Variants in INPP5A observed in about 807,000 individuals in gnomAD.
INPP5A encodes the protein inositol polyphosphate-5-phosphatase A.
In INPP5A, 14 loss-of-function variants were observed where a neutral mutation model predicts 65.2. That is an observed-to-expected ratio of 0.21 (90% CI 0.14 to 0.34). The LOEUF (loss-of-function observed/expected upper bound fraction) is 0.34. Ranked by LOEUF, INPP5A falls within the 10% of genes least tolerant of loss-of-function variation. INPP5A has a pLI of 1.00. For missense variants in INPP5A, 431 were observed against 545.6 expected (o/e 0.79, Z 2.09); for synonymous variants, 207 against 208.3 (o/e 0.99, Z 0.05).
At chr10:132,612,942 G>A (rs1270935558) in intron 2 of INPP5A, among the ~76,000 whole-genome samples, 4 of 152,118 alleles carry the variant, frequency 2.6e-5, no homozygotes, top group South Asian at 4.1e-4. Context: ...CAGTTCCCGC[G>A]CATTCGGGTC....
intron 4 of INPP5A, among the ~76,000 whole-genome samples, chr10:132,680,871 G>A (rs1319159063): frequency 2.6e-5 from 4 of 152,250 alleles, no homozygotes; most frequent in Non-Finnish European, 5.9e-5. Context: ...TTCTCGCTGG[G>A]CCTTAGCTGC....
At chr10:132,542,431 C>T (rs1259786198) in intron 1 of INPP5A, among the ~76,000 whole-genome samples, 1 of 151,402 alleles carries the variant, frequency 6.6e-6, no homozygotes, top group East Asian at 1.9e-4. Context: ...GCTGGCGTCT[C>T]TCTCTGGTAG....
intron 1 of INPP5A, among the ~76,000 whole-genome samples, chr10:132,607,288 G>T (rs913415947): frequency 2.8e-4 from 43 of 152,228 alleles, no homozygotes; most frequent in African/African-American, 9.9e-4. Flanking sequence ...TCTCTGGCGG[G>T]GCTGGAGTTT....
At position 132,730,341 on chromosome 10, in the gene INPP5A, G is replaced by A. The variant is rs188631707; in HGVS notation, c.732+3436G>A. Among the ~76,000 whole-genome samples, 18 of 152,304 alleles carry A rather than the reference G, an allele frequency of 1.2e-4. 1 individual carries two copies. In the South Asian group the frequency reaches 1.5e-3, roughly 12 times the overall value. ...TCCTGCTTGCCGGGGCCACGTGGGCGAGTCGGGTGACAGACCCAGTGCAGC... is the reference window on the plus strand; with the variant it reads ...TCCTGCTTGCCGGGGCCACGTGGGCAAGTCGGGTGACAGACCCAGTGCAGC... On this transcript the variant is annotated intron_variant, in intron 9 of 15. Coordinates refer to ENST00000368594, the MANE Select transcript of INPP5A (RefSeq NM_005539.5).
chr10:132,701,142 G>A (rs77065704), intron 6 of INPP5A, among the ~76,000 whole-genome samples: 2,305 of 152,290 alleles, frequency 0.015, 37 homozygotes, highest in South Asian at 0.042. Context: ...GATTTATGCC[G>A]TCTTTTAGTA....
chr10:132,667,777 G>A (rs1473812400), intron 4 of INPP5A, among the ~76,000 whole-genome samples: 1 of 152,180 alleles, frequency 6.6e-6, no homozygotes, highest in Admixed American at 6.5e-5. Flanking sequence ...AGGGGGCCGT[G>A]TGCGCTGCCC....
In INPP5A at chr10:132,550,298, G is replaced by A. The variant is rs554558683; in HGVS notation, c.75+12127G>A. Among the ~76,000 whole-genome samples the A allele has an allele frequency of 2.6e-5, 4 of 152,178 alleles. No individual in the cohort carries two copies. Among genetic ancestry groups the A allele is most frequent in the African/African-American group, 9.7e-5 (4 of 41,442 alleles). On this transcript the variant is annotated intron_variant, in intron 1 of 15. Transcript: ENST00000368594. The surrounding 1 kb of genome is among the most constrained non-coding windows in gnomAD (Gnocchi z 4.2). ...TCTCAGGGATGTAATGAGGCTGCTC[G>A]GGGGGCTGTCTCAGGCCTCTGGCCA...
chr10:132,712,611 G>T (rs573699415), intron 8 of INPP5A, among the ~76,000 whole-genome samples: 116 of 147,532 alleles, frequency 7.9e-4, no homozygotes, highest in African/African-American at 2.9e-3. Flanking sequence ...CGGGTGTGTG[G>T]GTGCATGTGT....
chr10:132,720,136 A>ACAGC, intron 8 of INPP5A, among the ~76,000 whole-genome samples: 1 of 147,016 alleles, frequency 6.8e-6, no homozygotes, highest in African/African-American at 2.6e-5. Context: ...GGCACCTTAG[A>ACAGC]TGGCTGTCTT....
At chr10:132,588,162 G>A (rs2071571738) in intron 1 of INPP5A, among the ~76,000 whole-genome samples, 1 of 152,154 alleles carries the variant, frequency 6.6e-6, no homozygotes, top group Non-Finnish European at 1.5e-5. Context: ...GTAGACTTAA[G>A]CTGATTTTGT....
At chr10:132,721,557 C>G (rs1392077220) in intron 8 of INPP5A, among the ~76,000 whole-genome samples, 1 of 149,968 alleles carries the variant, frequency 6.7e-6, no homozygotes, top group Admixed American at 6.6e-5. Context: ...TGCCTGGGTT[C>G]TGTCTGGGCA....
chr10:132,543,560 G>A (rs1413987305), intron 1 of INPP5A, among the ~76,000 whole-genome samples: 1 of 152,206 alleles, frequency 6.6e-6, no homozygotes, highest in Non-Finnish European at 1.5e-5. Context: ...GGGACTACAG[G>A]CATGCACCAC....
At position 132,767,258 on chromosome 10, in the gene INPP5A, G is replaced by GGACACAGGCTTTCC. The variant is rs1565009077; in HGVS notation, c.977+1412_977+1413insGACACAGGCTTTCC. Among the ~76,000 whole-genome samples, 25 of 25,828 alleles carry GGACACAGGCTTTCC rather than the reference G, an allele frequency of 9.7e-4. 2 individuals are homozygous for GGACACAGGCTTTCC. Among genetic ancestry groups the GGACACAGGCTTTCC allele is most frequent in the East Asian group, 3.7e-3 (2 of 538 alleles). The allele number at this position is 25,828 out of a possible 152,430, so 16.9% of individuals were successfully genotyped here. On this transcript the variant is annotated intron_variant, in intron 12 of 15. Transcript: ENST00000368594. ...GAGGATGCGGCCTCAGGGAGCTTGGGTGGGAGCCGGAGGATGCGGCTTCAG... is the reference window on the plus strand; with the variant it reads ...GAGGATGCGGCCTCAGGGAGCTTGGGGACACAGGCTTTCCTGGGAGCCGGAGGATGCGGCTTCAG...
chr10:132,774,951 GGAGGGGCAGGGAGGAGA>G (rs1406568588), intron 12 of INPP5A, among the ~76,000 whole-genome samples: 2 of 79,866 alleles, frequency 2.5e-5, no homozygotes, highest in African/African-American at 9.2e-5. Flanking sequence ...CGGGCAGGGA[GGAGGGGCAGGGAGGAGA>G]GAGGGACAGG....
In INPP5A at chr10:132,762,571, G is replaced by A. The variant is rs936476154; in HGVS notation, c.904-3202G>A. Among the ~76,000 whole-genome samples the A allele has an allele frequency of 6.6e-6, 1 of 152,196 alleles. No homozygotes were observed. Among genetic ancestry groups the A allele is most frequent in the Admixed American group, 6.5e-5 (1 of 15,278 alleles). The stretch of plus-strand genomic sequence containing the variant: ...GCGATGGAGAGACACAGCCCCACCA[G>A]CAGGTCCCACAGAGAACCAGGAGTA... On this transcript the variant is annotated intron_variant, in intron 11 of 15. Transcript: ENST00000368594. This position sits in a 1 kb window ranked among gnomAD's most constrained non-coding sequence, Gnocchi z 4.6.
At chr10:132,708,433 C>T (rs537354519) in intron 7 of INPP5A, 68 bp downstream of exon 7, 1 of 1,456,160 alleles carries the variant, frequency 6.9e-7, no homozygotes, top group African/African-American at 1.4e-5. Context: ...GCACCAGCGG[C>T]ATGTTCCACA....
At position 132,782,460 on chromosome 10, in the gene INPP5A, A is replaced by C. The variant is rs1172612055; in HGVS notation, c.*431A>C. Reference sequence around the variant, plus strand: ...AGGGGCTGGGGAAGCCGAGACGGGCACTCCCTCTGCCGGCCGGCAGCGTGG... The same window carrying C: ...AGGGGCTGGGGAAGCCGAGACGGGCCCTCCCTCTGCCGGCCGGCAGCGTGG... On this transcript the variant is annotated 3_prime_UTR_variant, in exon 16 of 16. Coordinates refer to ENST00000368594, the MANE Select transcript of INPP5A (RefSeq NM_005539.5). This position sits in a 1 kb window ranked among gnomAD's most constrained non-coding sequence, Gnocchi z 4.4. 5 of 193,332 alleles carry C rather than the reference A, an allele frequency of 2.6e-5. No individual in the cohort carries two copies. Among genetic ancestry groups the C allele is most frequent in the Admixed American group, 5.6e-5 (1 of 17,958 alleles). 12.0% of individuals were successfully genotyped at this position (193,332 alleles called of 1,614,324 possible). A position where few individuals can be genotyped will look rare whatever the true frequency, so the allele number is the denominator to read the frequency against.
At chr10:132,714,395 G>C (rs759500194) in intron 8 of INPP5A, among the ~76,000 whole-genome samples, 10 of 152,206 alleles carry the variant, frequency 6.6e-5, no homozygotes, top group Non-Finnish European at 1.5e-4. Flanking sequence ...TCTGCTGTGC[G>C]GATCGGGCAG....
At chr10:132,759,058 C>T (rs1351855708) in intron 11 of INPP5A, among the ~76,000 whole-genome samples, 1 of 152,242 alleles carries the variant, frequency 6.6e-6, no homozygotes, top group African/African-American at 2.4e-5. Flanking sequence ...GACTTTTCTC[C>T]CCGAAGGCGG....
Sources: gnomAD v4.1 joint callset for allele counts (sites outside exome capture counted in the v4.1 genomes callset) on GRCh38, gnomAD v4.1.1 for gene constraint, Gnocchi (gnomAD v3.1) non-coding constraint, MANE v1.5 for transcripts, NCBI Gene and HGNC (gene_info 2026-07-23, HGNC 2026-07-21) for gene names.